DISC1: variants seen among roughly 807,000 people sequenced by gnomAD.
DISC1 encodes the protein disrupted in schizophrenia 1 protein.
In DISC1, 57 loss-of-function variants were observed where a neutral mutation model predicts 84.5. That is an observed-to-expected ratio of 0.67 (90% CI 0.55 to 0.84). The LOEUF is 0.84. DISC1 is among the 40% of genes least tolerant of loss of function. The pLI, the probability that DISC1 is intolerant of heterozygous loss-of-function variation, is 0.00. For synonymous variants in DISC1, 411 were observed against 415.2 expected (o/e 0.99, Z 0.12); for missense variants, 1,000 against 1,057.8 (o/e 0.95, Z 0.76).
chr1:231,893,251 A>T (rs2087397975), intron 9 of DISC1, among the ~76,000 whole-genome samples: 2 of 152,158 alleles, frequency 1.3e-5, no homozygotes, highest in African/African-American at 2.4e-5. Context: ...TAATAGCAGG[A>T]GATAAGGTTG....
chr1:231,957,370 CT>C (rs909106617), intron 9 of DISC1, among the ~76,000 whole-genome samples: 23 of 151,704 alleles, frequency 1.5e-4, no homozygotes, highest in African/African-American at 2.9e-4. Flanking sequence ...CACTTGCTGT[CT>C]TTTTTTTTCC....
intron 8 of DISC1, among the ~76,000 whole-genome samples, chr1:231,809,309 G>C (rs2080042876): frequency 6.6e-6 from 1 of 152,152 alleles, no homozygotes; most frequent in Non-Finnish European, 1.5e-5. Flanking sequence ...TGGCCAGTGA[G>C]GGAGCCTGGT....
chr1:231,629,168 CAAAT>C (rs2058504474), intron 1 of DISC1, among the ~76,000 whole-genome samples: 1 of 152,194 alleles, frequency 6.6e-6, no homozygotes, highest in African/African-American at 2.4e-5. Flanking sequence ...TCTTGTAAAA[CAAAT>C]GATGACAATT....
chr1:231,726,061 A>G (rs1330796977), intron 3 of DISC1, among the ~76,000 whole-genome samples: 1 of 152,180 alleles, frequency 6.6e-6, no homozygotes, highest in African/African-American at 2.4e-5. Context: ...TGGTTGGTCT[A>G]CAGAGGTCCA....
rs1029776609 is a variant in DISC1, at chr1:232,033,570, T to C, written c.2426-3122T>C. On this transcript the variant is annotated intron_variant, in intron 12 of 12. Coordinates refer to ENST00000439617, the MANE Select transcript of DISC1 (RefSeq NM_018662.3). Reference sequence around the variant, plus strand: ...ACCAACATGGCGCCTGTTTACTTTCTGCTGCACTCATAGGTATTTATGCCA... The same window carrying C: ...ACCAACATGGCGCCTGTTTACTTTCCGCTGCACTCATAGGTATTTATGCCA... Among the ~76,000 whole-genome samples the C allele has an allele frequency of 2.6e-5, 4 of 152,350 alleles. No individual in the cohort carries two copies. The South Asian group carries it at 8.3e-4, about 32-fold the overall frequency.
intron 9 of DISC1, among the ~76,000 whole-genome samples, chr1:231,849,309 G>A (rs1262586232): frequency 6.6e-6 from 1 of 152,032 alleles, no homozygotes; most frequent in Non-Finnish European, 1.5e-5. Context: ...TAGTAGAGAC[G>A]GGGTTTCTCC....
chr1:232,005,943 CAA>C (rs1211213286), intron 10 of DISC1, among the ~76,000 whole-genome samples: 1 of 151,374 alleles, frequency 6.6e-6, no homozygotes, highest in South Asian at 2.1e-4. Flanking sequence ...TTTGGTTTTC[CAA>C]AAAAAAGTCA....
chr1:231,831,697 C>G (rs567256431), intron 9 of DISC1, among the ~76,000 whole-genome samples: 3 of 152,242 alleles, frequency 2.0e-5, no homozygotes, highest in Admixed American at 6.5e-5. Context: ...AGGACCCTTG[C>G]GTAGTGAGGA....
intron 11 of DISC1, among the ~76,000 whole-genome samples, chr1:232,017,764 A>G (rs570909193): frequency 9.2e-5 from 14 of 152,290 alleles, no homozygotes; most frequent in African/African-American, 3.1e-4. Flanking sequence ...CCCCAGCACA[A>G]TGTCTGAAAG....
At chr1:231,961,999 A>G (rs1392778875) in intron 10 of DISC1, among the ~76,000 whole-genome samples, 13 of 152,162 alleles carry the variant, frequency 8.5e-5, no homozygotes, top group Admixed American at 8.5e-4. Flanking sequence ...ACCACCAACA[A>G]TGTATAAGTG....
At chr1:231,651,523 A>G (rs1572514773) in intron 1 of DISC1, among the ~76,000 whole-genome samples, 1 of 152,304 alleles carries the variant, frequency 6.6e-6, no homozygotes, top group Middle Eastern at 3.4e-3. Context: ...GGTGTCTCTC[A>G]GTTAGGCTAC....
chr1:231,959,487 A>G (rs77967526), intron 10 of DISC1: 14,828 of 985,520 alleles, frequency 0.015, 115 homozygotes, highest in Non-Finnish European at 0.016. Context: ...AACAAGTACT[A>G]GAGTGGAATA....
At chr1:231,800,493 T>A (rs960847471) in intron 8 of DISC1, among the ~76,000 whole-genome samples, 25 of 152,142 alleles carry the variant, frequency 1.6e-4, no homozygotes, top group Non-Finnish European at 1.5e-5. Flanking sequence ...GCATTGTGTA[T>A]CTGTAAATAC....
At chr1:231,718,080 C>T (rs986441895) in intron 3 of DISC1, among the ~76,000 whole-genome samples, 4 of 152,112 alleles carry the variant, frequency 2.6e-5, no homozygotes, top group Admixed American at 2.6e-4. Context: ...AGCCACTACA[C>T]CTTTTCGATT....
intron 4 of DISC1, 58 bp from the exon 5 acceptor site, chr1:231,767,082 T>G (rs931460228): frequency 6.2e-7 from 1 of 1,601,206 alleles, no homozygotes; most frequent in African/African-American, 1.3e-5. Flanking sequence ...AAAATACTTG[T>G]CAACATGAGG....
At chr1:231,639,969 A>C (rs1472890870) in intron 1 of DISC1, among the ~76,000 whole-genome samples, 4 of 152,332 alleles carry the variant, frequency 2.6e-5, no homozygotes, top group South Asian at 4.1e-4. Flanking sequence ...TAGTGTTTCT[A>C]CAGCAAAACA....
Position 232,009,240 on chromosome 1 carries a change from G to T in DISC1, c.2307+191G>T. On this transcript the variant is annotated intron_variant, in intron 11 of 12. Coordinates refer to ENST00000439617, the MANE Select transcript of DISC1 (RefSeq NM_018662.3). This position sits in a 1 kb window ranked among gnomAD's most constrained non-coding sequence, Gnocchi z 4.6. The stretch of plus-strand genomic sequence containing the variant: ...TTTTGTAGAAGTTTGAAATATAGAA[G>T]AGCAAAAAAACCCAACTTTTGGCAT... 7.2e-7 allele frequency: 1 copy of T among 1,391,042 alleles called. No homozygotes were observed. The highest frequency in any genetic ancestry group is 9.3e-7 in the Non-Finnish European group (1 of 1,075,320). 86.2% of individuals were successfully genotyped at this position (1,391,042 alleles called of 1,614,324 possible). A position where few individuals can be genotyped will look rare whatever the true frequency, so the allele number is the denominator to read the frequency against.
At chr1:231,785,253 GTTA>G (rs1234828437) in intron 6 of DISC1, among the ~76,000 whole-genome samples, 3 of 109,306 alleles carry the variant, frequency 2.7e-5, no homozygotes, top group Non-Finnish European at 5.5e-5. Context: ...GTGTGTGTGT[GTTA>G]TTTTATTTAT....
At chr1:231,861,681 A>G (rs1053812030) in intron 9 of DISC1, among the ~76,000 whole-genome samples, 4 of 152,140 alleles carry the variant, frequency 2.6e-5, no homozygotes, top group South Asian at 2.1e-4. Flanking sequence ...ATGCCATTCA[A>G]TATCAAGGTC....
Sources: allele counts gnomAD v4.1 joint callset (sites outside exome capture counted in the v4.1 genomes callset), GRCh38; gene constraint gnomAD v4.1.1; non-coding constraint Gnocchi (gnomAD v3.1); transcripts MANE v1.5; gene names NCBI Gene and HGNC (gene_info 2026-07-23, HGNC 2026-07-21).